Variants in FZR1 observed in about 807,000 individuals in gnomAD.
FZR1 encodes the protein fizzy-related protein homolog.
A neutral mutation model predicts 63.6 loss-of-function variants in FZR1; 11 were observed. That is an observed-to-expected ratio of 0.17 (90% CI 0.11 to 0.29). FZR1 has a LOEUF of 0.29. Ranked by LOEUF, FZR1 falls within the 10% of genes least tolerant of loss-of-function variation. The probability of loss-of-function intolerance (pLI) is 1.00; values close to 1 mark genes in which losing one functional copy is unlikely to be tolerated. For synonymous variants in FZR1, 328 were observed against 297.9 expected, an observed-to-expected ratio of 1.10 and a Z score of -1.04; for missense variants, 440 against 687.5, an observed-to-expected ratio of 0.64 and a Z score of 4.03.
chr19:3,531,607 G>A lies in FZR1; in HGVS notation c.721-107G>A, dbSNP rs899803794. ...GCATTCGAGAGTCGTTAGGGAAACCGTCCCAGAGCCCTGGTGAGGAGAGAG... is the reference window on the plus strand; with the variant it reads ...GCATTCGAGAGTCGTTAGGGAAACCATCCCAGAGCCCTGGTGAGGAGAGAG... On this transcript the variant is annotated intron_variant, in intron 8 of 13. Coordinates refer to ENST00000441788, the MANE Select transcript of FZR1 (RefSeq NM_016263.4). The A allele has an allele frequency of 5.1e-5, 37 of 731,928 alleles. No homozygotes were observed. In the Middle Eastern group the frequency reaches 1.1e-3, roughly 23 times the overall value. The allele number at this position is 731,928 out of a possible 1,614,324, so 45.3% of individuals were successfully genotyped here. A position where few individuals can be genotyped will look rare whatever the true frequency, so the allele number is the denominator to read the frequency against.
intron 7 of FZR1, among the ~76,000 whole-genome samples, chr19:3,530,183 TGGATGGTTGAGC>T (rs2083226825): frequency 1.1e-5 from 1 of 93,270 alleles, no homozygotes; most frequent in African/African-American, 4.6e-5. Context: ...GTTGAGGGAG[TGGATGGTTGAGC>T]GGATGGGAGA....
chr19:3,528,116 C>T (rs564531328), intron 7 of FZR1, among the ~76,000 whole-genome samples: 21 of 152,370 alleles, frequency 1.4e-4, no homozygotes, highest in African/African-American at 5.0e-4. Context: ...GGGGTCCCCA[C>T]TGGAGCCACA....
intron 1 of FZR1, among the ~76,000 whole-genome samples, chr19:3,511,108 G>A (rs779533701): frequency 9.9e-5 from 15 of 152,258 alleles, no homozygotes; most frequent in Non-Finnish European, 1.9e-4. Flanking sequence ...GTGGTGCCAC[G>A]CTGCCTTCCT....
In FZR1 at chr19:3,528,719, G is replaced by GGGTGTGT. The variant is rs2083190276; in HGVS notation, c.654+907_654+908insTGTGTGG. Among the ~76,000 whole-genome samples the GGGTGTGT allele has an allele frequency of 5.4e-5, 7 of 129,936 alleles. No homozygotes were observed. In the South Asian group the frequency reaches 1.7e-3, roughly 32 times the overall value. The allele number at this position is 129,936 out of a possible 152,430, so 85.2% of individuals were successfully genotyped here. The stretch of plus-strand genomic sequence containing the variant: ...AGAGAGTGGATGGGTGAGCAGATTA[G>GGGTGTGT]GGAGTGGATGGGTGAGTGGATGGGA... On this transcript the variant is annotated intron_variant, in intron 7 of 13. Coordinates refer to ENST00000441788, the MANE Select transcript of FZR1 (RefSeq NM_016263.4).
At chr19:3,508,091 G>T (rs953087521) in intron 1 of FZR1, among the ~76,000 whole-genome samples, 1 of 150,098 alleles carries the variant, frequency 6.7e-6, no homozygotes, top group Non-Finnish European at 1.5e-5. Flanking sequence ...TGCCCTGGCT[G>T]CAGGCAGTGG....
intron 2 of FZR1, 50 bp downstream of exon 2, chr19:3,523,108 C>CCT (rs2083119177): frequency 8.7e-7 from 1 of 1,156,002 alleles, no homozygotes; most frequent in African/African-American, 1.5e-5. Context: ...CCCCCAGCTG[C>CCT]CTCTGCCCTG....
At chr19:3,532,220 G>A (rs1568240313) in intron 10 of FZR1, 125 bp downstream of exon 10, 1 of 1,003,506 alleles carries the variant, frequency 1.0e-6, no homozygotes, top group Non-Finnish European at 1.4e-6. Context: ...CATCAGCAGG[G>A]CACCAGGCTT....
In FZR1 at chr19:3,528,722, A is replaced by C. The variant is rs570146781; in HGVS notation, c.654+908A>C. ...GAGTGGATGGGTGAGCAGATTAGGG[A>C]GTGGATGGGTGAGTGGATGGGAGAG... is the stretch of plus-strand genomic sequence containing the variant. On this transcript the variant is annotated intron_variant, in intron 7 of 13. Transcript: ENST00000441788. 3.4e-3 allele frequency among the ~76,000 whole-genome samples: 360 copies of C among 106,570 alleles called. 16 individuals are homozygous for C. The South Asian group carries it at 0.084, about 25-fold the overall frequency. The allele number at this position is 106,570 out of a possible 152,430, so 69.9% of individuals were successfully genotyped here.
chr19:3,535,050 T>C lies in FZR1; in HGVS notation c.*214T>C. ...GGGGTGGGCACGTGGTCGGGGACCCTCAGCAGCAGGGGCTCTGTCTCCCTT... is the reference window on the plus strand; with the variant it reads ...GGGGTGGGCACGTGGTCGGGGACCCCCAGCAGCAGGGGCTCTGTCTCCCTT... On this transcript the variant is annotated 3_prime_UTR_variant, in exon 14 of 14. Transcript: ENST00000441788. 6.8e-6 allele frequency: 4 copies of C among 590,016 alleles called. No homozygotes were observed. Among genetic ancestry groups the C allele is most frequent in the Non-Finnish European group, 9.1e-6 (3 of 330,430 alleles). 36.5% of individuals were successfully genotyped at this position (590,016 alleles called of 1,614,324 possible).
In FZR1 at chr19:3,514,341, G is replaced by A. The variant is rs1026124820; in HGVS notation, c.-35+7867G>A. On this transcript the variant is annotated intron_variant, in intron 1 of 13. Coordinates refer to ENST00000441788, the MANE Select transcript of FZR1 (RefSeq NM_016263.4). The surrounding 1 kb of genome is among the most constrained non-coding windows in gnomAD (Gnocchi z 4.2). ...TCAAGTCACTTCCCTGGTTTTGCCCGAGAGCAGGGTCTCTGCCCTTGCACC... is the reference window on the plus strand; with the variant it reads ...TCAAGTCACTTCCCTGGTTTTGCCCAAGAGCAGGGTCTCTGCCCTTGCACC... 6.6e-5 allele frequency among the ~76,000 whole-genome samples: 10 copies of A among 152,280 alleles called. No homozygotes were observed. Among genetic ancestry groups the A allele is most frequent in the East Asian group, 3.9e-4 (2 of 5,172 alleles).
chr19:3,525,880 C>G lies in FZR1; in HGVS notation c.82C>G (p.Arg28Gly), dbSNP rs150420576. ...TGATGCCCTTCAGGTCACAGAGATG[C>G]GGCGGACCCTGACGCCTGCCAGCTC... is the stretch of plus-strand genomic sequence containing the variant. ...ENTMPRVTEM[R>G]RTLTPASSPV... The change falls in exon 3 of 14, where the codon CGG becomes GGG. Residue 28 changes from arginine (R) to glycine (G), a missense_variant. Arg to Gly is a moderately radical substitution (Grantham distance 125, BLOSUM62 -2). Transcript: ENST00000441788. This position sits in a 1 kb window ranked among gnomAD's most constrained non-coding sequence, Gnocchi z 4.2. 1 of 1,611,384 alleles carries G rather than the reference C, an allele frequency of 6.2e-7. No individual in the cohort carries two copies. The highest frequency in any genetic ancestry group is 1.3e-5 in the African/African-American group (1 of 74,912).
intron 1 of FZR1, among the ~76,000 whole-genome samples, chr19:3,520,259 G>T (rs567576187): frequency 6.6e-6 from 1 of 152,036 alleles, no homozygotes; most frequent in Non-Finnish European, 1.5e-5. Flanking sequence ...GACTGTGGGT[G>T]GGGAGAGGCC....
rs144348699 is a variant in FZR1, at chr19:3,532,392, C to T, written c.1009-25C>T. Reference sequence around the variant, plus strand: ...TGGGACCACAGGGCTGGGACAGCCCCGGCCTCACAGCCCCTGTCCCCCAGC... The same window carrying T: ...TGGGACCACAGGGCTGGGACAGCCCTGGCCTCACAGCCCCTGTCCCCCAGC... On this transcript the variant is annotated intron_variant, in intron 10 of 13. Transcript: ENST00000441788. 3,556 of 1,555,996 alleles carry T rather than the reference C, an allele frequency of 2.3e-3. 5 individuals are homozygous for T. Among genetic ancestry groups the T allele is most frequent in the Non-Finnish European group, 3.0e-3 (3,430 of 1,142,688 alleles).
chr19:3,519,947 CG>C (rs1047523917), intron 1 of FZR1, among the ~76,000 whole-genome samples: 30 of 151,578 alleles, frequency 2.0e-4, no homozygotes, highest in African/African-American at 7.3e-4. Context: ...AGATCAGTCC[CG>C]GGGGGCCCCA....
intron 1 of FZR1, among the ~76,000 whole-genome samples, chr19:3,513,762 A>G (rs1377522891): frequency 2.0e-5 from 3 of 152,034 alleles, no homozygotes; most frequent in Non-Finnish European, 4.4e-5. Context: ...TGTGGGTAGC[A>G]AGTGCCGCCT....
At chr19:3,530,641 AGTGGATGGGACT>A (rs1366889929) in intron 7 of FZR1, 139 bp from the exon 8 acceptor site, 11 of 618,082 alleles carry the variant, frequency 1.8e-5, no homozygotes, top group Admixed American at 2.7e-5. Context: ...TGGATGGAAA[AGTGGATGGGACT>A]GTGGATGGGA....
chr19:3,533,484 TAGGG>T lies in FZR1; in HGVS notation c.1347+90_1347+93del, dbSNP rs1191846394. ...CCCAGAGCACCCTGTCCTGTGTTCT[TAGGG>T]AGGATGGTGTGCAGATCTAAAACCC... is the stretch of plus-strand genomic sequence containing the variant. On this transcript the variant is annotated intron_variant, in intron 12 of 13. Coordinates refer to ENST00000441788, the MANE Select transcript of FZR1 (RefSeq NM_016263.4). This position sits in a 1 kb window ranked among gnomAD's most constrained non-coding sequence, Gnocchi z 4.9. The T allele has an allele frequency of 8.7e-6, 7 of 808,898 alleles. No individual in the cohort carries two copies. The highest frequency in any genetic ancestry group is 2.6e-5 in the East Asian group (1 of 38,424). The allele number at this position is 808,898 out of a possible 1,614,324, so 50.1% of individuals were successfully genotyped here. A position where few individuals can be genotyped will look rare whatever the true frequency, so the allele number is the denominator to read the frequency against.
At chr19:3,524,314 C>G (rs985596064) in intron 2 of FZR1, among the ~76,000 whole-genome samples, 1 of 152,186 alleles carries the variant, frequency 6.6e-6, no homozygotes, top group African/African-American at 2.4e-5. Flanking sequence ...CGAAGTCTCC[C>G]GGATGCAGCC....
chr19:3,524,967 T>C (rs2083138310), intron 2 of FZR1, among the ~76,000 whole-genome samples: 1 of 152,150 alleles, frequency 6.6e-6, no homozygotes, highest in Non-Finnish European at 1.5e-5. Context: ...GCTCAGGACT[T>C]CACAGTATCC....
Sources: allele counts gnomAD v4.1 joint callset (sites outside exome capture counted in the v4.1 genomes callset), GRCh38; gene constraint gnomAD v4.1.1; non-coding constraint Gnocchi (gnomAD v3.1); transcripts MANE v1.5; gene names NCBI Gene and HGNC (gene_info 2026-07-23, HGNC 2026-07-21).